CADPS2: variants seen among roughly 807,000 people sequenced by gnomAD.
The protein encoded by CADPS2 is calcium dependent secretion activator 2.
In CADPS2, 93 loss-of-function variants were observed where a neutral mutation model predicts 172.5. The ratio of observed to expected loss-of-function variants is 0.54; its 90% CI spans 0.46 to 0.64. CADPS2 has a LOEUF of 0.64. Among genes scored for constraint, CADPS2 ranks in the 30% least tolerant of loss-of-function variants. CADPS2 has a pLI of 0.00. For synonymous variants in CADPS2, 546 were observed against 555.2 expected, an observed-to-expected ratio of 0.98 and a Z score of 0.23; for missense variants, 1,420 against 1,565.9, an observed-to-expected ratio of 0.91 and a Z score of 1.57.
chr7:122,354,378 A>C (rs915422015), intron 27 of CADPS2: 14 of 152,194 alleles, frequency 9.2e-5, no homozygotes, highest in Non-Finnish European at 1.6e-4. Context: ...GAAGTGATGG[A>C]GCAAGGATTC....
chr7:122,755,801 A>G (rs886247195), intron 1 of CADPS2, among the ~76,000 whole-genome samples: 3 of 152,148 alleles, frequency 2.0e-5, no homozygotes, highest in Admixed American at 1.3e-4. Context: ...ACTGATAGGA[A>G]TATGTAAAGG....
At chr7:122,364,455 C>T (rs1458716474) in intron 25 of CADPS2, among the ~76,000 whole-genome samples, 2 of 146,582 alleles carry the variant, frequency 1.4e-5, no homozygotes, top group East Asian at 2.0e-4. Context: ...GGCCAGGTGC[C>T]GTGGCTCACG....
intron 8 of CADPS2, among the ~76,000 whole-genome samples, chr7:122,529,571 G>A (rs1470824737): frequency 6.6e-6 from 1 of 152,050 alleles, no homozygotes; most frequent in Non-Finnish European, 1.5e-5. Context: ...TTTTCTTAAT[G>A]AGTAACAACC....
chr7:122,322,889 A>C (rs1330846253), intron 29 of CADPS2, among the ~76,000 whole-genome samples: 2 of 152,184 alleles, frequency 1.3e-5, no homozygotes, highest in Non-Finnish European at 1.5e-5. Context: ...AGTAAGGACA[A>C]GACTACTAAC....
At chr7:122,882,433 G>A (rs887889142) in intron 1 of CADPS2, among the ~76,000 whole-genome samples, 1 of 152,060 alleles carries the variant, frequency 6.6e-6, no homozygotes, top group African/African-American at 2.4e-5. Context: ...AAAGAGCAGT[G>A]ACTAGAAACC....
intron 2 of CADPS2, among the ~76,000 whole-genome samples, chr7:122,682,056 T>G (rs2083110685): frequency 6.6e-6 from 1 of 152,182 alleles, no homozygotes; most frequent in Non-Finnish European, 1.5e-5. Flanking sequence ...TCCTAGGTAT[T>G]TTCCAACTAA....
chr7:122,396,399 T>G (rs75647344), intron 20 of CADPS2, among the ~76,000 whole-genome samples: 4,385 of 152,248 alleles, frequency 0.029, 226 homozygotes, highest in African/African-American at 0.1. Context: ...ATAACCTAAC[T>G]GGTCTTTAGG....
At chr7:122,500,398 C>T (rs750591687) in intron 9 of CADPS2, among the ~76,000 whole-genome samples, 2 of 152,056 alleles carry the variant, frequency 1.3e-5, no homozygotes, top group Non-Finnish European at 2.9e-5. Flanking sequence ...GTATAAGCCA[C>T]ATATTTATCG....
intron 1 of CADPS2, among the ~76,000 whole-genome samples, chr7:122,849,528 T>A (rs561105002): frequency 5.9e-5 from 9 of 152,304 alleles, no homozygotes; most frequent in African/African-American, 2.2e-4. Context: ...GGTCCCCAGC[T>A]GTCCGCAACA....
At chr7:122,757,108 T>C (rs1196933716) in intron 1 of CADPS2, among the ~76,000 whole-genome samples, 1 of 152,094 alleles carries the variant, frequency 6.6e-6, no homozygotes, top group Non-Finnish European at 1.5e-5. Context: ...AAGGGCAATG[T>C]TTTTGAACAA....
At chr7:122,755,729 T>TA (rs775668115) in intron 1 of CADPS2, among the ~76,000 whole-genome samples, 116 of 137,504 alleles carry the variant, frequency 8.4e-4, no homozygotes, top group Middle Eastern at 3.6e-3. Context: ...TTAGAGAGGC[T>TA]AAAAAAAAAA....
intron 1 of CADPS2, among the ~76,000 whole-genome samples, chr7:122,842,781 G>A (rs1475320911): frequency 1.3e-5 from 2 of 152,110 alleles, no homozygotes; most frequent in African/African-American, 4.8e-5. Flanking sequence ...AATATAGCTA[G>A]AAGGTGTAAA....
intron 9 of CADPS2, among the ~76,000 whole-genome samples, chr7:122,508,821 T>C (rs1436372805): frequency 6.6e-6 from 1 of 152,136 alleles, no homozygotes; most frequent in Non-Finnish European, 1.5e-5. Context: ...CTATTAGCAA[T>C]GGCTACTTGG....
intron 8 of CADPS2, among the ~76,000 whole-genome samples, chr7:122,552,623 G>T (rs968139877): frequency 1.3e-5 from 2 of 152,018 alleles, no homozygotes; most frequent in African/African-American, 4.8e-5. Context: ...AAGAGCAAGG[G>T]TTTCTTCCCA....
chr7:122,758,359 T>C (rs1279435732), intron 1 of CADPS2, among the ~76,000 whole-genome samples: 3 of 152,156 alleles, frequency 2.0e-5, no homozygotes, highest in African/African-American at 7.2e-5. Context: ...GTAGAATATA[T>C]CCAATTCTTT....
intron 7 of CADPS2, among the ~76,000 whole-genome samples, chr7:122,563,525 TAAC>T (rs1277457172): frequency 2.0e-5 from 3 of 152,172 alleles, no homozygotes; most frequent in African/African-American, 7.2e-5. Context: ...CACTTCAAGA[TAAC>T]AACAGACACT....
intron 2 of CADPS2, among the ~76,000 whole-genome samples, chr7:122,706,787 TAC>T (rs1193528884): frequency 6.1e-5 from 9 of 147,906 alleles, no homozygotes; most frequent in Non-Finnish European, 1.3e-4. Flanking sequence ...TGTGTGTACA[TAC>T]ATATATATAT....
chr7:122,432,142 G>A (rs2050018126), intron 17 of CADPS2, among the ~76,000 whole-genome samples: 1 of 152,086 alleles, frequency 6.6e-6, no homozygotes, highest in African/African-American at 2.4e-5. Flanking sequence ...CAGTCTTGGA[G>A]GCATGGCAGC....
In CADPS2 at chr7:122,519,750, T is replaced by C. The variant is rs2060637255; in HGVS notation, c.1476-6435A>G. On this transcript the variant is annotated intron_variant, in intron 8 of 29. Transcript: ENST00000449022. Reference sequence around the variant, plus strand: ...TCAGAGATATGAAGAAACTAAACTTTCAAATTTTTGATTATATATTTAATA... The same window carrying C: ...TCAGAGATATGAAGAAACTAAACTTCCAAATTTTTGATTATATATTTAATA... Among the ~76,000 whole-genome samples, 4 of 152,162 alleles carry C rather than the reference T, an allele frequency of 2.6e-5. No homozygotes were observed. In the South Asian group the frequency reaches 8.3e-4, roughly 32 times the overall value.
Sources: allele counts gnomAD v4.1 joint callset (sites outside exome capture counted in the v4.1 genomes callset), GRCh38; gene constraint gnomAD v4.1.1; transcripts MANE v1.5; gene names NCBI Gene and HGNC (gene_info 2026-07-23, HGNC 2026-07-21).